RBM19: variants seen among roughly 807,000 people sequenced by gnomAD.
RBM19 encodes RNA binding motif protein 19, also known as probable RNA-binding protein 19.
A neutral mutation model predicts 116.8 loss-of-function variants in RBM19; 94 were observed. The ratio of observed to expected loss-of-function variants is 0.80; its 90% confidence interval spans 0.68 to 0.95. The LOEUF (loss-of-function observed/expected upper bound fraction) is 0.95. RBM19 is among the 40% of genes least tolerant of loss of function. The pLI is 0.00. For synonymous variants in RBM19, 475 were observed against 494.1 expected, an observed-to-expected ratio of 0.96 and a Z score of 0.51; for missense variants, 1,161 against 1,220.7, an observed-to-expected ratio of 0.95 and a Z score of 0.73.
chr12:113,867,553 T>C (rs1878912560), intron 21 of RBM19, among the ~76,000 whole-genome samples: 1 of 152,208 alleles, frequency 6.6e-6, no homozygotes, highest in Non-Finnish European at 1.5e-5. Context: ...CCAATATATG[T>C]ACAGTTTAAA....
chr12:113,959,786 G>A (rs985618961), intron 4 of RBM19, 79 bp downstream of exon 4: 4 of 1,532,052 alleles, frequency 2.6e-6, no homozygotes, highest in Non-Finnish European at 3.6e-6. Flanking sequence ...CCCTCTCCCA[G>A]CCTCTACCCT....
chr12:113,928,753 C>T (rs1869351874), intron 16 of RBM19, among the ~76,000 whole-genome samples: 1 of 151,386 alleles, frequency 6.6e-6, no homozygotes. Context: ...CTGCCAGAAG[C>T]CTCAGGAAGT....
intron 23 of RBM19, among the ~76,000 whole-genome samples, chr12:113,840,171 G>A (rs1876340373): frequency 6.6e-6 from 1 of 152,234 alleles, no homozygotes. Context: ...GTATTCTACA[G>A]AGGGTGTTCT....
At chr12:113,830,831 T>C (rs1040538052) in intron 23 of RBM19, among the ~76,000 whole-genome samples, 1 of 152,192 alleles carries the variant, frequency 6.6e-6, no homozygotes, top group Non-Finnish European at 1.5e-5. Context: ...TCTTTTCTTT[T>C]GGCATAGGCC....
chr12:113,952,148 T>C (rs545694113), intron 8 of RBM19, among the ~76,000 whole-genome samples: 1 of 150,900 alleles, frequency 6.6e-6, no homozygotes, highest in East Asian at 2.0e-4. Flanking sequence ...ACACCACACA[T>C]GCTCAGCAAC....
At chr12:113,818,682 C>A (rs1874221763), downstream of RBM19, among the ~76,000 whole-genome samples, 1 of 152,264 alleles carries the variant, frequency 6.6e-6, no homozygotes, top group South Asian at 2.1e-4. Flanking sequence ...GCAGGAATTC[C>A]TGCACCCATT....
chr12:113,865,546 A>G (rs1878735607), intron 21 of RBM19, among the ~76,000 whole-genome samples: 1 of 152,226 alleles, frequency 6.6e-6, no homozygotes, highest in Non-Finnish European at 1.5e-5. Flanking sequence ...CACTCAGAAA[A>G]CACTGTATCC....
intron 21 of RBM19, among the ~76,000 whole-genome samples, chr12:113,881,719 G>A (rs1880149118): frequency 6.6e-6 from 1 of 152,224 alleles, no homozygotes; most frequent in South Asian, 2.1e-4. Flanking sequence ...ACACTTTGGA[G>A]GATGGGTGTG....
chr12:113,844,044 G>T (rs79700846), intron 23 of RBM19, among the ~76,000 whole-genome samples: 1 of 152,226 alleles, frequency 6.6e-6, no homozygotes, highest in South Asian at 2.1e-4. Flanking sequence ...TGAGCCTAGG[G>T]CCCTGCTTGG....
At chr12:113,830,032 C>T (rs1875233461) in intron 23 of RBM19, among the ~76,000 whole-genome samples, 1 of 152,156 alleles carries the variant, frequency 6.6e-6, no homozygotes, top group African/African-American at 2.4e-5. Flanking sequence ...GAGGAAGCAG[C>T]CGCACTAGGA....
rs139116107 is a variant in RBM19, at chr12:113,841,214, AGGGCCTT to A, written c.2785+3447_2785+3453del. 5.4e-3 allele frequency among the ~76,000 whole-genome samples: 824 copies of A among 152,294 alleles called. 10 individuals are homozygous for A. The highest frequency in any genetic ancestry group is 0.018 in the African/African-American group (757 of 41,572). Reference sequence around the variant, plus strand: ...GGGGACAATGAAACATGCACATAACAGGGCCTTCTATGAGCACATGCTGTGCCAATTC... The same window carrying A: ...GGGGACAATGAAACATGCACATAACACTATGAGCACATGCTGTGCCAATTC... On this transcript the variant is annotated intron_variant, in intron 23 of 23. Coordinates refer to ENST00000261741, the MANE Select transcript of RBM19 (RefSeq NM_016196.4).
At chr12:113,950,236 G>A in intron 8 of RBM19, 82 bp from the exon 9 acceptor site, 1 of 1,140,318 alleles carries the variant, frequency 8.8e-7, no homozygotes, top group Admixed American at 1.9e-5. Flanking sequence ...CCCATACTGT[G>A]CTAGGAGCAG....
intron 21 of RBM19, 45 bp downstream of exon 21, chr12:113,914,923 TC>T (rs768218970): frequency 3.3e-6 from 5 of 1,529,800 alleles, no homozygotes. Context: ...TCGGGCAGGC[TC>T]CCCGCCCACA....
chr12:113,871,347 C>G (rs549347897), intron 21 of RBM19, among the ~76,000 whole-genome samples: 90 of 152,326 alleles, frequency 5.9e-4, no homozygotes, highest in African/African-American at 1.9e-3. Context: ...AATTTCTCAT[C>G]CCAGAGGAGT....
chr12:113,829,523 G>A (rs1331954077), intron 23 of RBM19, among the ~76,000 whole-genome samples: 1 of 152,212 alleles, frequency 6.6e-6, no homozygotes, highest in Non-Finnish European at 1.5e-5. Flanking sequence ...TAGCAAGCAT[G>A]ACCCAGCATA....
At chr12:113,901,506 C>CATTCATA (rs1881689599) in intron 21 of RBM19, among the ~76,000 whole-genome samples, 1 of 151,976 alleles carries the variant, frequency 6.6e-6, no homozygotes, top group Admixed American at 6.6e-5. Flanking sequence ...TTTATTCATT[C>CATTCATA]ATTCATTCAT....
intron 16 of RBM19, among the ~76,000 whole-genome samples, chr12:113,931,274 G>GCCCCAGAACCCAGCTAGT (rs1476537886): frequency 3.8e-4 from 58 of 152,122 alleles, no homozygotes; most frequent in African/African-American, 1.3e-3. Flanking sequence ...CTCCCACAAG[G>GCCCCAGAACCCAGCTAGT]CCCCAGAACC....
intron 19 of RBM19, 109 bp from the exon 20 acceptor site, chr12:113,918,556 TC>T (rs1005836464): frequency 1.8e-6 from 2 of 1,138,146 alleles, no homozygotes; most frequent in Non-Finnish European, 1.3e-6. Context: ...GCCTGATTGT[TC>T]CCCGGGGAGT....
At chr12:113,960,807 G>A (rs1439418694) in intron 2 of RBM19, among the ~76,000 whole-genome samples, 1 of 152,172 alleles carries the variant, frequency 6.6e-6, no homozygotes, top group Non-Finnish European at 1.5e-5. Flanking sequence ...TAGGGTGATA[G>A]GGGCACTGGG....
Sources: allele counts gnomAD v4.1 joint callset (sites outside exome capture counted in the v4.1 genomes callset), GRCh38; gene constraint gnomAD v4.1.1; transcripts MANE v1.5; gene names NCBI Gene and HGNC (gene_info 2026-07-23, HGNC 2026-07-21).